ANO1: variants seen among roughly 807,000 people sequenced by gnomAD.
The protein encoded by ANO1 is anoctamin-1.
A neutral mutation model predicts 124.0 loss-of-function variants in ANO1; 59 were observed. That is an observed-to-expected ratio of 0.48 (90% CI 0.39 to 0.59). ANO1 has a LOEUF of 0.59. Among genes scored for constraint, ANO1 ranks in the 20% least tolerant of loss-of-function variants. The probability of loss-of-function intolerance (pLI) is 0.00; values close to 1 mark genes in which losing one functional copy is unlikely to be tolerated. For synonymous variants in ANO1, 529 were observed against 532.0 expected (o/e 0.99, Z 0.08); for missense variants, 1,059 against 1,328.0 (o/e 0.80, Z 3.15).
chr11:70,020,693 G>T (rs563387908), intron 1 of ANO1, among the ~76,000 whole-genome samples: 1 of 152,322 alleles, frequency 6.6e-6, no homozygotes, highest in South Asian at 2.1e-4. Flanking sequence ...GACAGCCTGG[G>T]ATGACATGGG....
chr11:70,090,017 TTG>T (rs1012322157), intron 2 of ANO1, among the ~76,000 whole-genome samples: 364 of 152,082 alleles, frequency 2.4e-3, no homozygotes, highest in African/African-American at 8.5e-3. Flanking sequence ...GTTTGTTTGT[TTG>T]TTTGTTTGTT....
chr11:70,175,238 G>A (rs76498392), intron 22 of ANO1, among the ~76,000 whole-genome samples: 119 of 152,354 alleles, frequency 7.8e-4, no homozygotes, highest in African/African-American at 2.8e-3. Flanking sequence ...TTTGCACCTG[G>A]CTGGTTTTTG....
chr11:70,027,559 T>G (rs1324035087), intron 1 of ANO1, among the ~76,000 whole-genome samples: 1 of 152,226 alleles, frequency 6.6e-6, no homozygotes, highest in Non-Finnish European at 1.5e-5. Context: ...TGCAAACACT[T>G]AAGCCACATG....
At chr11:70,042,776 G>A (rs1048662007) in intron 1 of ANO1, among the ~76,000 whole-genome samples, 1 of 152,166 alleles carries the variant, frequency 6.6e-6, no homozygotes, top group Non-Finnish European at 1.5e-5. Flanking sequence ...ATTCCCAGAA[G>A]AGTATCATCG....
intron 3 of ANO1, 126 bp from the exon 4 acceptor site, chr11:70,103,873 G>T: frequency 1.9e-6 from 2 of 1,048,358 alleles, no homozygotes; most frequent in South Asian, 1.8e-5. Context: ...GGCCCACCCA[G>T]GTGCTCTGCT....
chr11:70,042,717 TG>T (rs1289402963), intron 1 of ANO1, among the ~76,000 whole-genome samples: 1 of 152,320 alleles, frequency 6.6e-6, no homozygotes, highest in African/African-American at 2.4e-5. Flanking sequence ...GAATAGCTCA[TG>T]GTCTCACCAG....
chr11:70,024,238 C>T (rs1425395845), intron 1 of ANO1, among the ~76,000 whole-genome samples: 2 of 152,198 alleles, frequency 1.3e-5, no homozygotes, highest in Non-Finnish European at 2.9e-5. Flanking sequence ...CTTTGACCCT[C>T]CCTAAATGAG....
intron 19 of ANO1, among the ~76,000 whole-genome samples, chr11:70,164,652 G>A (rs567727430): frequency 2.8e-4 from 43 of 152,326 alleles, no homozygotes; most frequent in African/African-American, 1.0e-3. Context: ...GCTTGGACAA[G>A]TTAAACTTCC....
At chr11:69,986,177 A>C (rs1024329350) in intron 1 of ANO1, 1 of 152,282 alleles carries the variant, frequency 6.6e-6, no homozygotes, top group Non-Finnish European at 1.5e-5. Context: ...GTGAGTATCC[A>C]GGGCGGCACG....
At chr11:70,081,572 C>T (rs1212423873) in intron 1 of ANO1, among the ~76,000 whole-genome samples, 1 of 152,130 alleles carries the variant, frequency 6.6e-6, no homozygotes, top group South Asian at 2.1e-4. Flanking sequence ...TTCATTTAGC[C>T]CATTTTCAGA....
intron 11 of ANO1, among the ~76,000 whole-genome samples, chr11:70,147,472 G>A (rs1238116149): frequency 7.9e-5 from 12 of 152,194 alleles, no homozygotes; most frequent in Non-Finnish European, 7.4e-5. Context: ...TGCTCAGTGC[G>A]TGTCTGCTGA....
At position 70,088,092 on chromosome 11, in the gene ANO1, T is replaced by G; in HGVS notation, c.441+8T>G. ...CTGGAGCGGGACGAGGACGTAACTA[T>G]CTCACTGCGCGCTGTTTGTGGGGGG... is the stretch of plus-strand genomic sequence containing the variant. On this transcript the variant is annotated splice_region_variant and intron_variant, in intron 2 of 25. Coordinates refer to ENST00000355303, the MANE Select transcript of ANO1 (RefSeq NM_018043.7). The G allele has an allele frequency of 2.4e-6, 2 of 836,114 alleles. No individual in the cohort carries two copies. The highest frequency in any genetic ancestry group is 3.2e-5 in the South Asian group (1 of 30,838). The allele number at this position is 836,114 out of a possible 1,614,324, so 51.8% of individuals were successfully genotyped here.
chr11:70,049,276 A>T (rs1857311688), intron 1 of ANO1, among the ~76,000 whole-genome samples: 1 of 152,172 alleles, frequency 6.6e-6, no homozygotes, highest in Non-Finnish European at 1.5e-5. Context: ...TCATATGGCC[A>T]GCCGCTCTGG....
chr11:70,107,346 G>T (rs2045588130), intron 5 of ANO1, among the ~76,000 whole-genome samples: 1 of 152,128 alleles, frequency 6.6e-6, no homozygotes, highest in Non-Finnish European at 1.5e-5. Context: ...AGGGGACCCT[G>T]GACCTATTCC....
At chr11:70,090,750 A>G (rs1200723125) in intron 2 of ANO1, among the ~76,000 whole-genome samples, 8 of 152,208 alleles carry the variant, frequency 5.3e-5, no homozygotes, top group Non-Finnish European at 1.2e-4. Flanking sequence ...CACCAAAATG[A>G]TCTAGTTTTT....
chr11:70,177,504 CG>C (rs1026342455), intron 22 of ANO1, among the ~76,000 whole-genome samples: 2 of 152,026 alleles, frequency 1.3e-5, no homozygotes, highest in Non-Finnish European at 2.9e-5. Context: ...GGGGCGCCCC[CG>C]GGCACCACAG....
rs190332309 is a variant in ANO1 at position 70,103,977 on chromosome 11, C to T, written c.541-22C>T. 2,761 of 1,607,238 alleles carry T rather than the reference C, an allele frequency of 1.7e-3. 3 individuals are homozygous for T. Among genetic ancestry groups the T allele is most frequent in the East Asian group, 3.6e-3 (162 of 44,658 alleles). ...GGTCCAGCAGGGTGACGCAGCTCCC[C>T]GGTCCCTTGTCTTATCTGCAGATGT... On this transcript the variant is annotated intron_variant, in intron 3 of 25. Transcript: ENST00000355303.
At chr11:70,121,822 C>T (rs533047491) in intron 8 of ANO1, among the ~76,000 whole-genome samples, 1 of 83,554 alleles carries the variant, frequency 1.2e-5, no homozygotes, top group African/African-American at 4.6e-5. Context: ...GTCTCTCCAT[C>T]TCCCCCACCT....
intron 4 of ANO1, 102 bp from the exon 5 acceptor site, chr11:70,105,632 G>A: frequency 9.0e-7 from 1 of 1,111,538 alleles, no homozygotes; most frequent in Non-Finnish European, 1.4e-6. Context: ...CCATTTCACG[G>A]TCACGGCTAA....
Sources: allele counts gnomAD v4.1 joint callset (sites outside exome capture counted in the v4.1 genomes callset), GRCh38; gene constraint gnomAD v4.1.1; transcripts MANE v1.5; gene names NCBI Gene and HGNC (gene_info 2026-07-23, HGNC 2026-07-21).